Variants in MYO3A observed in about 807,000 individuals in gnomAD.
The protein encoded by MYO3A is myosin-IIIa.
MYO3A carries 180 observed loss-of-function variants against 192.7 expected under a neutral mutation model. That is an observed-to-expected ratio of 0.93 (90% CI 0.83 to 1.06). The LOEUF (loss-of-function observed/expected upper bound fraction) is 1.06. MYO3A is among the 50% of genes least tolerant of loss of function. The pLI is 0.00. For synonymous variants in MYO3A, 628 were observed against 645.3 expected, an observed-to-expected ratio of 0.97 and a Z score of 0.41; for missense variants, 1,896 against 1,905.0, an observed-to-expected ratio of 1.00 and a Z score of 0.09.
chr10:26,096,330 A>G (rs1428204561), intron 15 of MYO3A, 51 bp from the exon 16 acceptor site: 2 of 1,316,540 alleles, frequency 1.5e-6, no homozygotes, highest in South Asian at 2.5e-5. Flanking sequence ...AAGTAACTTA[A>G]GCAAGAAATG....
chr10:26,008,988 A>C (rs539574948), intron 6 of MYO3A, among the ~76,000 whole-genome samples: 12,759 of 149,622 alleles, frequency 0.085, 1,043 homozygotes, highest in African/African-American at 0.2. Context: ...CAAATGTCCA[A>C]CAATGATAGA....
At chr10:26,032,570 C>T (rs1311004595) in intron 10 of MYO3A, among the ~76,000 whole-genome samples, 1 of 151,722 alleles carries the variant, frequency 6.6e-6, no homozygotes, top group Non-Finnish European at 1.5e-5. Context: ...GAGCCCAGAT[C>T]ATGCCATTGC....
In MYO3A at chr10:26,211,860, G is replaced by A. The variant is rs750024323; in HGVS notation, c.4748G>A (p.Ser1583Asn). ...ACTTGCAGGTGCTGGGCGGCGGAGA[G>A]CCCCGAGAAGGAGGAGGAGAGAGAG... is the stretch of plus-strand genomic sequence containing the variant. ...KANERCWAAE[S>N]PEKEEEREPA... is the part of the protein sequence containing the mutation. The change falls in exon 35 of 35, where the codon AGC becomes AAC. Residue 1583 changes from serine to asparagine, a missense_variant. Transcript: ENST00000642920. 1.2e-6 allele frequency: 2 copies of A among 1,614,088 alleles called. No homozygotes were observed. The highest frequency in any genetic ancestry group is 2.2e-5 in the South Asian group (2 of 91,024).
At chr10:26,201,178 G>T in intron 32 of MYO3A, 87 bp from the exon 33 acceptor site, 1 of 565,910 alleles carries the variant, frequency 1.8e-6, no homozygotes, top group South Asian at 4.6e-5. Flanking sequence ...AAGAGTAAAT[G>T]TATTTACATA....
intron 4 of MYO3A, among the ~76,000 whole-genome samples, chr10:25,960,891 G>A (rs16926502): frequency 0.081 from 12,382 of 152,162 alleles, 828 homozygotes; most frequent in African/African-American, 0.17. Flanking sequence ...TCTCTAGTTT[G>A]AGATAGGTTT....
At chr10:26,113,619 CAATTCCAGAATGCCATG>C (rs1489769473) in intron 17 of MYO3A, among the ~76,000 whole-genome samples, 2 of 151,878 alleles carry the variant, frequency 1.3e-5, no homozygotes, top group African/African-American at 4.8e-5. Flanking sequence ...AAACAAGTTA[CAATTCCAGAATGCCATG>C]ATTTGGCCAA....
chr10:26,021,689 T>C lies in MYO3A; in HGVS notation c.731+41T>C, dbSNP rs140016685. On this transcript the variant is annotated intron_variant, in intron 8 of 34. Transcript: ENST00000642920. ...TTGGGTCCAGTATCTGCAGCCCGAT[T>C]TACTTCCTCCAGCCACCAAGTGTTC... 266 of 1,610,898 alleles carry C rather than the reference T, an allele frequency of 1.7e-4. No homozygotes were observed. The African/African-American group carries it at 3.4e-3, about 20-fold the overall frequency.
chr10:26,012,473 A>G (rs1221642762), intron 6 of MYO3A, among the ~76,000 whole-genome samples: 6 of 152,144 alleles, frequency 3.9e-5, no homozygotes, highest in Admixed American at 3.9e-4. Flanking sequence ...CAAATCGAGG[A>G]CTCAATCCTT....
In MYO3A at chr10:26,185,329, C is replaced by CTT. The variant is rs61581382; in HGVS notation, c.4439-7849_4439-7848dup. On this transcript the variant is annotated intron_variant, in intron 31 of 34. Coordinates refer to ENST00000642920, the MANE Select transcript of MYO3A (RefSeq NM_017433.5). Reference sequence around the variant, plus strand: ...CTACCATACCATACATTCCAGGATTCTTTTTTTTTTTTTTTTTTTTTTTTT... The same window carrying CTT: ...CTACCATACCATACATTCCAGGATTCTTTTTTTTTTTTTTTTTTTTTTTTTTT... Among the ~76,000 whole-genome samples the CTT allele has an allele frequency of 3.3e-3, 213 of 63,884 alleles. 31 individuals carry two copies. The highest frequency in any genetic ancestry group is 6.2e-3 in the East Asian group (11 of 1,770). 41.9% of individuals were successfully genotyped at this position (63,884 alleles called of 152,430 possible).
intron 20 of MYO3A, 111 bp from the exon 21 acceptor site, chr10:26,143,337 A>G (rs1017341898): frequency 8.6e-7 from 1 of 1,162,972 alleles, no homozygotes; most frequent in Non-Finnish European, 1.2e-6. Context: ...TCACAAAAAA[A>G]GCAAGGTCAA....
chr10:25,969,073 A>G (rs1008870925), intron 4 of MYO3A, among the ~76,000 whole-genome samples: 2 of 152,116 alleles, frequency 1.3e-5, no homozygotes, highest in Non-Finnish European at 2.9e-5. Context: ...CCCCATCTCT[A>G]CTAAAAATAC....
chr10:26,102,337 A>G (rs1166400866), intron 17 of MYO3A, among the ~76,000 whole-genome samples: 1 of 152,074 alleles, frequency 6.6e-6, no homozygotes, highest in Non-Finnish European at 1.5e-5. Flanking sequence ...TTGCAGTTCA[A>G]ACATCCTCCT....
In MYO3A at chr10:26,180,992, T is replaced by C. The variant is rs536031239; in HGVS notation, c.4438+4147T>C. 9.9e-5 allele frequency among the ~76,000 whole-genome samples: 15 copies of C among 152,214 alleles called. No individual in the cohort carries two copies. The East Asian group carries it at 1.4e-3, about 14-fold the overall frequency. On this transcript the variant is annotated intron_variant, in intron 31 of 34. Transcript: ENST00000642920. ...AAATGAGGACTTATTCATTAGATAG[T>C]AAAATGAATAATGCTATAATAATTA... is the stretch of plus-strand genomic sequence containing the variant.
At chr10:26,149,217 TTTCG>T (rs1482329249) in intron 23 of MYO3A, among the ~76,000 whole-genome samples, 2 of 151,812 alleles carry the variant, frequency 1.3e-5, no homozygotes, top group Admixed American at 6.6e-5. Flanking sequence ...GTTGGTTGTT[TTTCG>T]TTTGTTTGTT....
intron 1 of MYO3A, among the ~76,000 whole-genome samples, chr10:25,935,299 C>T (rs1835984723): frequency 6.6e-6 from 1 of 152,184 alleles, no homozygotes; most frequent in Non-Finnish European, 1.5e-5. Context: ...GTTGCTAACT[C>T]GCACCTTGCT....
At chr10:26,165,519 C>G (rs568645430) in intron 26 of MYO3A, among the ~76,000 whole-genome samples, 9 of 152,206 alleles carry the variant, frequency 5.9e-5, no homozygotes, top group Non-Finnish European at 4.4e-5. Context: ...TTCCTTCCCT[C>G]GATTATGGAT....
chr10:25,989,453 T>C (rs1328445123), intron 4 of MYO3A, among the ~76,000 whole-genome samples: 2 of 151,998 alleles, frequency 1.3e-5, no homozygotes, highest in East Asian at 3.9e-4. Context: ...AGAAGAAAAA[T>C]GCAAGTCTTG....
chr10:26,005,193 G>T (rs1841104051), intron 6 of MYO3A, among the ~76,000 whole-genome samples: 1 of 152,098 alleles, frequency 6.6e-6, no homozygotes, highest in African/African-American at 2.4e-5. Context: ...CACCTGAGAG[G>T]ATGCAATGAG....
chr10:26,152,268 T>C (rs1564600780), intron 23 of MYO3A, among the ~76,000 whole-genome samples: 2 of 152,206 alleles, frequency 1.3e-5, no homozygotes, highest in Non-Finnish European at 2.9e-5. Flanking sequence ...ATAGACAACT[T>C]TGTTATCTAT....
Sources: allele counts gnomAD v4.1 joint callset (sites outside exome capture counted in the v4.1 genomes callset), GRCh38; gene constraint gnomAD v4.1.1; transcripts MANE v1.5; gene names NCBI Gene and HGNC (gene_info 2026-07-23, HGNC 2026-07-21).